The following BCAT1 variants were observed in gnomAD, a reference collection of about 807,000 sequenced individuals.
BCAT1 encodes the protein branched-chain-amino-acid aminotransferase, cytosolic.
In BCAT1, 48 loss-of-function variants were observed where a neutral mutation model predicts 52.4. That is an observed-to-expected ratio of 0.92 (90% confidence interval 0.73 to 1.16). The LOEUF is 1.16. Ranked by LOEUF, BCAT1 falls within the 50% of genes most tolerant of loss-of-function variation. The pLI is 0.00. For missense variants in BCAT1, 451 were observed against 457.1 expected (o/e 0.99, Z 0.12); for synonymous variants, 167 against 161.3 (o/e 1.04, Z -0.27).
chr12:24,872,970 T>C (rs921770085), intron 5 of BCAT1, among the ~76,000 whole-genome samples: 19 of 152,234 alleles, frequency 1.2e-4, no homozygotes, highest in Middle Eastern at 3.2e-3. Context: ...ATTTCTGCTA[T>C]TGACTATGGT....
chr12:24,915,408 T>C (rs2068412664), intron 1 of BCAT1, among the ~76,000 whole-genome samples: 2 of 152,238 alleles, frequency 1.3e-5, no homozygotes, highest in Admixed American at 1.3e-4. Flanking sequence ...ATTTTTATTT[T>C]ACTTCAATGC....
At chr12:24,925,595 C>T (rs1035217886) in intron 1 of BCAT1, among the ~76,000 whole-genome samples, 3 of 150,832 alleles carry the variant, frequency 2.0e-5, no homozygotes, top group East Asian at 2.0e-4. Flanking sequence ...CCTCTCCCCA[C>T]GGTCTCCCTC....
Position 24,902,706 on chromosome 12 carries a change from A to C in BCAT1, c.7-821T>G, listed in dbSNP as rs565420986. The C allele has an allele frequency of 2.4e-5, 14 of 586,502 alleles. 1 individual carries two copies. In the South Asian group the frequency reaches 3.2e-4, roughly 13 times the overall value. 36.3% of individuals were successfully genotyped at this position (586,502 alleles called of 1,614,324 possible). Reference sequence around the variant, plus strand: ...TCCTCGCCACGCTCCGGAGCGGGTTACCCATGAGGGTGCTAGACCTGGGCA... The same window carrying C: ...TCCTCGCCACGCTCCGGAGCGGGTTCCCCATGAGGGTGCTAGACCTGGGCA... On this transcript the variant is annotated intron_variant, in intron 1 of 10. Coordinates refer to ENST00000261192, the MANE Select transcript of BCAT1 (RefSeq NM_005504.7).
At chr12:24,882,853 G>A (rs112250886) in intron 3 of BCAT1, among the ~76,000 whole-genome samples, 119 of 151,922 alleles carry the variant, frequency 7.8e-4, no homozygotes, top group Middle Eastern at 3.4e-3. Context: ...TGCCTGCCTC[G>A]GCCTCCCAAA....
chr12:24,873,386 A>G lies in BCAT1; in HGVS notation c.510+5144T>C, dbSNP rs1802846246. ...AATGCTGCTATAATCCTTTTTATAA[A>G]TATGAGAAATCTTTTGGTAATGTGA... On this transcript the variant is annotated intron_variant, in intron 5 of 10. Coordinates refer to ENST00000261192, the MANE Select transcript of BCAT1 (RefSeq NM_005504.7). 2.0e-5 allele frequency among the ~76,000 whole-genome samples: 3 copies of G among 152,226 alleles called. No individual in the cohort carries two copies. The South Asian group carries it at 6.2e-4, about 32-fold the overall frequency.
intron 5 of BCAT1, among the ~76,000 whole-genome samples, chr12:24,875,162 C>T (rs1942295343): frequency 6.6e-6 from 1 of 152,186 alleles, no homozygotes; most frequent in Non-Finnish European, 1.5e-5. Context: ...CCTGAAGCTA[C>T]TGGCACCAGT....
chr12:24,834,175 A>C, intron 8 of BCAT1: 7 of 979,528 alleles, frequency 7.1e-6, no homozygotes, highest in Non-Finnish European at 8.5e-6. Flanking sequence ...AAATATCTGA[A>C]ATACTCATTA....
chr12:24,893,730 T>C (rs1299086669), intron 3 of BCAT1, among the ~76,000 whole-genome samples: 2 of 152,218 alleles, frequency 1.3e-5, no homozygotes, highest in African/African-American at 4.8e-5. Flanking sequence ...ATGGGAAGTA[T>C]ACTGTGCATC....
At position 24,855,500 on chromosome 12, in the gene BCAT1, C is replaced by T. The variant is rs577581494; in HGVS notation, c.511-5551G>A. On this transcript the variant is annotated intron_variant, in intron 5 of 10. Transcript: ENST00000261192. The stretch of plus-strand genomic sequence containing the variant: ...GGTTCAAGCGATTCTCCTGCCTCAG[C>T]CTCCTGAGGAGCTGGGATTACAGGC... Among the ~76,000 whole-genome samples the T allele has an allele frequency of 4.6e-5, 7 of 152,234 alleles. No homozygotes were observed. In the South Asian group the frequency reaches 8.3e-4, roughly 18 times the overall value.
intron 5 of BCAT1, among the ~76,000 whole-genome samples, chr12:24,857,908 C>T (rs1306532905): frequency 6.6e-6 from 1 of 152,200 alleles, no homozygotes; most frequent in Non-Finnish European, 1.5e-5. Flanking sequence ...ATACCCCACT[C>T]TGTGCACGTT....
At chr12:24,881,249 C>T (rs1942483546) in intron 4 of BCAT1, 52 bp downstream of exon 4, 10 of 1,314,544 alleles carry the variant, frequency 7.6e-6, no homozygotes, top group East Asian at 2.3e-5. Context: ...TGGTCAACAC[C>T]GTGACCCGTT....
intron 10 of BCAT1, among the ~76,000 whole-genome samples, chr12:24,823,198 T>C (rs1566552913): frequency 6.6e-6 from 1 of 151,760 alleles, no homozygotes. Flanking sequence ...ACTACAGACA[T>C]GTGACACCAT....
At chr12:24,880,842 T>C (rs376930993) in intron 4 of BCAT1, among the ~76,000 whole-genome samples, 30 of 8,790 alleles carry the variant, frequency 3.4e-3, no homozygotes, top group African/African-American at 5.1e-3. Context: ...TTTTTGTTTT[T>C]TGTTTTTTTT....
intron 1 of BCAT1, among the ~76,000 whole-genome samples, chr12:24,907,591 C>T (rs996873418): frequency 2.6e-5 from 4 of 152,214 alleles, no homozygotes; most frequent in Admixed American, 6.5e-5. Context: ...ATACACCCTC[C>T]CTGCCCTTGC....
chr12:24,913,205 A>G (rs1943357138), intron 1 of BCAT1, among the ~76,000 whole-genome samples: 2 of 152,240 alleles, frequency 1.3e-5, no homozygotes, highest in African/African-American at 4.8e-5. Flanking sequence ...CACAAATTAC[A>G]TAATCCTGTA....
intron 1 of BCAT1, among the ~76,000 whole-genome samples, chr12:24,936,212 A>T (rs1023204550): frequency 2.6e-5 from 4 of 152,190 alleles, no homozygotes; most frequent in Admixed American, 1.3e-4. Context: ...ATGACTGCAG[A>T]CTTTGTGGCC....
chr12:24,852,778 T>C (rs575336810), intron 5 of BCAT1, among the ~76,000 whole-genome samples: 2 of 152,372 alleles, frequency 1.3e-5, no homozygotes, highest in South Asian at 4.1e-4. Flanking sequence ...TTATGTATAC[T>C]AATACTTTAT....
At chr12:24,856,403 A>G (rs1168501838) in intron 5 of BCAT1, among the ~76,000 whole-genome samples, 1 of 152,120 alleles carries the variant, frequency 6.6e-6, no homozygotes, top group African/African-American at 2.4e-5. Context: ...TGTCCCTAAA[A>G]TTCCTATGTT....
intron 5 of BCAT1, among the ~76,000 whole-genome samples, chr12:24,876,884 C>T (rs1805912682): frequency 2.0e-5 from 3 of 151,760 alleles, no homozygotes; most frequent in Non-Finnish European, 1.5e-5. Flanking sequence ...TTGATTTGTA[C>T]AGCAAACCAC....
Sources: gnomAD v4.1 joint callset for allele counts (sites outside exome capture counted in the v4.1 genomes callset) on GRCh38, gnomAD v4.1.1 for gene constraint, MANE v1.5 for transcripts, NCBI Gene and HGNC (gene_info 2026-07-23, HGNC 2026-07-21) for gene names.